Variants in PARP11 observed in about 807,000 individuals in gnomAD.
The protein encoded by PARP11 is poly(ADP-ribose) polymerase family member 11, also known as protein mono-ADP-ribosyltransferase PARP11.
PARP11 carries 31 observed loss-of-function variants against 42.9 expected under a neutral mutation model. The ratio of observed to expected loss-of-function variants is 0.72; its 90% CI spans 0.54 to 0.98. PARP11 has a LOEUF of 0.98. Among genes scored for constraint, PARP11 ranks in the 50% least tolerant of loss-of-function variants. The probability of loss-of-function intolerance (pLI) is 0.00; values close to 1 mark genes in which losing one functional copy is unlikely to be tolerated. For missense variants in PARP11, 365 were observed against 413.1 expected, an observed-to-expected ratio of 0.88 and a Z score of 1.01; for synonymous variants, 137 against 127.3, an observed-to-expected ratio of 1.08 and a Z score of -0.51.
intron 1 of PARP11, among the ~76,000 whole-genome samples, chr12:3,850,040 T>C (rs1948068621): frequency 6.6e-6 from 1 of 152,028 alleles, no homozygotes; most frequent in Admixed American, 6.6e-5. Flanking sequence ...AACTGTTAAA[T>C]ATACAATAGC....
intron 1 of PARP11, among the ~76,000 whole-genome samples, chr12:3,850,649 T>C (rs964501745): frequency 6.6e-6 from 1 of 152,220 alleles, no homozygotes; most frequent in Non-Finnish European, 1.5e-5. Context: ...ACTGTGTTTT[T>C]TTCTTATTCT....
intron 1 of PARP11, chr12:3,842,267 A>G (rs1947905333): frequency 5.0e-6 from 8 of 1,602,970 alleles, no homozygotes; most frequent in Admixed American, 3.3e-5. Flanking sequence ...ATGAAGTGTC[A>G]TATTTTGAGA....
intron 3 of PARP11, among the ~76,000 whole-genome samples, chr12:3,828,497 G>A (rs144339428): frequency 0.2 from 30,130 of 147,024 alleles, 3,795 homozygotes; most frequent in East Asian, 0.37. Flanking sequence ...GCAGTGAGCC[G>A]AGATCATGCC....
chr12:3,868,437 G>T (rs1166294091), intron 1 of PARP11, among the ~76,000 whole-genome samples: 1 of 152,162 alleles, frequency 6.6e-6, no homozygotes, highest in Non-Finnish European at 1.5e-5. Flanking sequence ...TCCAGCTTGG[G>T]TGACAGACTA....
chr12:3,828,474 G>A (rs1006018875), intron 3 of PARP11, among the ~76,000 whole-genome samples: 3 of 151,454 alleles, frequency 2.0e-5, no homozygotes, highest in Admixed American at 2.0e-4. Flanking sequence ...CTTGAACCCG[G>A]GAGGCGGAGG....
chr12:3,856,512 A>G (rs552941553), intron 1 of PARP11, among the ~76,000 whole-genome samples: 2 of 152,374 alleles, frequency 1.3e-5, no homozygotes, highest in South Asian at 4.1e-4. Flanking sequence ...CAATAGACAC[A>G]TGAAAAAATG....
chr12:3,819,570 C>T (rs2138020047), intron 6 of PARP11, among the ~76,000 whole-genome samples: 1 of 152,276 alleles, frequency 6.6e-6, no homozygotes. Flanking sequence ...CAGTTGAGAA[C>T]CACTGCTTTA....
chr12:3,838,455 C>G (rs1228854239), intron 1 of PARP11, among the ~76,000 whole-genome samples: 1 of 151,874 alleles, frequency 6.6e-6, no homozygotes, highest in Non-Finnish European at 1.5e-5. Flanking sequence ...AAAAGCAGTA[C>G]TAAAAGAGAA....
chr12:3,840,416 C>G lies in PARP11; in HGVS notation c.19-10398G>C, dbSNP rs904710114. On this transcript the variant is annotated intron_variant, in intron 1 of 7. Coordinates refer to ENST00000228820, the MANE Select transcript of PARP11 (RefSeq NM_020367.6). The surrounding 1 kb of genome is among the most constrained non-coding windows in gnomAD (Gnocchi z 4.4). The stretch of plus-strand genomic sequence containing the variant: ...AAGAATCCAAGCAAGCCAATAAAAG[C>G]CCCATTAGCACTACCTCCTCGACTG... 2 of 1,613,096 alleles carry G rather than the reference C, an allele frequency of 1.2e-6. No individual in the cohort carries two copies. The highest frequency in any genetic ancestry group is 1.7e-6 in the Non-Finnish European group (2 of 1,179,146).
chr12:3,858,024 T>A (rs992167383), intron 1 of PARP11, among the ~76,000 whole-genome samples: 52 of 152,206 alleles, frequency 3.4e-4, no homozygotes, highest in African/African-American at 1.2e-3. Context: ...CGGAAAACAA[T>A]GACTGAAGAC....
At chr12:3,834,353 C>T (rs1050813550) in intron 1 of PARP11, among the ~76,000 whole-genome samples, 1 of 152,154 alleles carries the variant, frequency 6.6e-6, no homozygotes. Context: ...AAACAGTGGG[C>T]CGGGTGTGGT....
At chr12:3,825,459 G>A (rs748927276) in intron 4 of PARP11, among the ~76,000 whole-genome samples, 3 of 152,188 alleles carry the variant, frequency 2.0e-5, no homozygotes, top group Non-Finnish European at 4.4e-5. Context: ...TGGAAACAAA[G>A]TGAACAACTA....
At position 3,872,917 on chromosome 12, in the gene PARP11, C is replaced by T. The variant is rs73253309; in HGVS notation, c.18+295G>A. 2,049 of 380,662 alleles carry T rather than the reference C, an allele frequency of 5.4e-3. 52 individuals carry two copies. The highest frequency in any genetic ancestry group is 0.042 in the African/African-American group (1,909 of 45,510). 23.6% of individuals were successfully genotyped at this position (380,662 alleles called of 1,614,324 possible). ...CTCCAGCCTGGACAACAGTGCGAGA[C>T]TCCGTCTCAAAAACAACAACAACAA... is the stretch of plus-strand genomic sequence containing the variant. On this transcript the variant is annotated intron_variant, in intron 1 of 7. Coordinates refer to ENST00000228820, the MANE Select transcript of PARP11 (RefSeq NM_020367.6).
At chr12:3,845,850 A>C (rs2138082871) in intron 1 of PARP11, among the ~76,000 whole-genome samples, 1 of 152,356 alleles carries the variant, frequency 6.6e-6, no homozygotes, top group African/African-American at 2.4e-5. Flanking sequence ...AGTTTTAGAA[A>C]ATCTTAGAAG....
At chr12:3,842,633 CCTT>C (rs1947915186) in intron 1 of PARP11, 1 of 695,726 alleles carries the variant, frequency 1.4e-6, no homozygotes, top group Non-Finnish European at 2.5e-6. Context: ...TCCCCAGCCT[CCTT>C]ACCTTCCCTC....
intron 1 of PARP11, among the ~76,000 whole-genome samples, chr12:3,846,756 TAA>T (rs760915174): frequency 1.3e-4 from 13 of 100,952 alleles, no homozygotes; most frequent in African/African-American, 7.6e-5. Context: ...GACTCCGTCT[TAA>T]AAAAAAAAAA....
rs557183956 is a variant in PARP11, at chr12:3,828,653, A to C, written c.268+257T>G. 7.9e-5 allele frequency among the ~76,000 whole-genome samples: 12 copies of C among 152,314 alleles called. No homozygotes were observed. In the South Asian group the frequency reaches 2.1e-3, roughly 26 times the overall value. On this transcript the variant is annotated intron_variant, in intron 3 of 7. Coordinates refer to ENST00000228820, the MANE Select transcript of PARP11 (RefSeq NM_020367.6). ...TACGGTGTTTTGTGTTCCTTAGAAGACAAGTATTAAATGCACTTAATATAT... is the reference window on the plus strand; with the variant it reads ...TACGGTGTTTTGTGTTCCTTAGAAGCCAAGTATTAAATGCACTTAATATAT...
intron 1 of PARP11, among the ~76,000 whole-genome samples, chr12:3,833,525 G>A (rs1043342234): frequency 6.6e-6 from 1 of 152,174 alleles, no homozygotes; most frequent in African/African-American, 2.4e-5. Context: ...GATTACTTGA[G>A]CCTAGGAGTT....
At chr12:3,870,703 G>C (rs1215237245) in intron 1 of PARP11, among the ~76,000 whole-genome samples, 1 of 152,124 alleles carries the variant, frequency 6.6e-6, no homozygotes, top group Non-Finnish European at 1.5e-5. Flanking sequence ...AAAAATAACA[G>C]AGAAAAACCC....
Sources: allele counts gnomAD v4.1 joint callset (sites outside exome capture counted in the v4.1 genomes callset), GRCh38; gene constraint gnomAD v4.1.1; non-coding constraint Gnocchi (gnomAD v3.1); transcripts MANE v1.5; gene names NCBI Gene and HGNC (gene_info 2026-07-23, HGNC 2026-07-21).